ROBO1: variants seen among roughly 807,000 people sequenced by gnomAD.
ROBO1 encodes roundabout guidance receptor 1.
Under a neutral mutation model 195.9 loss-of-function variants are expected in ROBO1, and 149 were observed. That is an observed-to-expected ratio of 0.76 (90% CI 0.67 to 0.87). The LOEUF is 0.87. Among genes scored for constraint, ROBO1 ranks in the 40% least tolerant of loss-of-function variants. The pLI, the probability that ROBO1 is intolerant of heterozygous loss-of-function variation, is 0.00. For missense variants in ROBO1, 1,933 were observed against 2,068.3 expected, an observed-to-expected ratio of 0.93 and a Z score of 1.27; for synonymous variants, 816 against 733.2, an observed-to-expected ratio of 1.11 and a Z score of -1.82.
intron 5 of ROBO1, among the ~76,000 whole-genome samples, chr3:78,730,568 C>T (rs372799204): frequency 1.5e-5 from 1 of 64,564 alleles, no homozygotes; most frequent in African/African-American, 3.0e-5. Flanking sequence ...GTATTTTAAT[C>T]CCAAAGAGTC....
In ROBO1 at chr3:78,598,220, T is replaced by G. The variant is rs1702953359; in HGVS notation, c.*693A>C. 1 of 152,392 alleles carries G rather than the reference T, an allele frequency of 6.6e-6. No homozygotes were observed. Among genetic ancestry groups the G allele is most frequent in the African/African-American group, 2.4e-5 (1 of 41,464 alleles). The allele number at this position is 152,392 out of a possible 1,614,324, so 9.4% of individuals were successfully genotyped here. The stretch of plus-strand genomic sequence containing the variant: ...ATGACTAGACAACCAGAGATCCAAC[T>G]GGCTTAGCCCTACTTATCCAAAAGT... On this transcript the variant is annotated 3_prime_UTR_variant, in exon 31 of 31. Coordinates refer to ENST00000464233, the MANE Select transcript of ROBO1 (RefSeq NM_002941.4).
intron 2 of ROBO1, among the ~76,000 whole-genome samples, chr3:79,179,598 T>C (rs1328739259): frequency 2.0e-5 from 3 of 152,234 alleles, no homozygotes; most frequent in Non-Finnish European, 2.9e-5. Flanking sequence ...GGTATTTTCA[T>C]GTGTTGACTA....
intron 4 of ROBO1, among the ~76,000 whole-genome samples, chr3:78,887,261 T>C (rs2036622254): frequency 6.6e-6 from 1 of 152,008 alleles, no homozygotes; most frequent in African/African-American, 2.4e-5. Flanking sequence ...CATGAAAAAT[T>C]TGCACCATCA....
At chr3:78,903,550 T>TACACACACAC (rs146975185) in intron 4 of ROBO1, among the ~76,000 whole-genome samples, 3 of 143,438 alleles carry the variant, frequency 2.1e-5, no homozygotes, top group Middle Eastern at 3.6e-3. Flanking sequence ...ATAAAAGAAG[T>TACACACACAC]ACACACACAC....
At chr3:79,735,463 C>T (rs1051179203) in intron 1 of ROBO1, among the ~76,000 whole-genome samples, 11 of 152,134 alleles carry the variant, frequency 7.2e-5, no homozygotes, top group Admixed American at 7.2e-4. Flanking sequence ...TCTTACTCTT[C>T]TCTGTTATTT....
intron 2 of ROBO1, among the ~76,000 whole-genome samples, chr3:79,275,336 C>T (rs945824202): frequency 6.6e-6 from 1 of 151,874 alleles, no homozygotes; most frequent in African/African-American, 2.4e-5. Flanking sequence ...ATATACAATT[C>T]AATCAATGTG....
intron 3 of ROBO1, among the ~76,000 whole-genome samples, chr3:79,045,906 GAAACTCTAAAGTCATTATTTTCACT>G (rs1248748904): frequency 6.6e-6 from 1 of 151,998 alleles, no homozygotes; most frequent in Non-Finnish European, 1.5e-5. Flanking sequence ...ATTTTTTCAC[GAAACTCTAAAGTCATTATTTTCACT>G]AAACTCTAAC....
chr3:78,652,322 A>G lies in ROBO1; in HGVS notation c.2615-393T>C, dbSNP rs1389535086. Among the ~76,000 whole-genome samples, 3 of 152,184 alleles carry G rather than the reference A, an allele frequency of 2.0e-5. No individual in the cohort carries two copies. In the East Asian group the frequency reaches 5.8e-4, roughly 29 times the overall value. On this transcript the variant is annotated intron_variant, in intron 18 of 30. Coordinates refer to ENST00000464233, the MANE Select transcript of ROBO1 (RefSeq NM_002941.4). ...ATACACACACAAATAATACATGTACACATAAGGAATATTTAATAAGTATTC... is the reference window on the plus strand; with the variant it reads ...ATACACACACAAATAATACATGTACGCATAAGGAATATTTAATAAGTATTC...
At chr3:78,876,427 T>C (rs199592550) in intron 4 of ROBO1, among the ~76,000 whole-genome samples, 1 of 152,162 alleles carries the variant, frequency 6.6e-6, no homozygotes, top group Non-Finnish European at 1.5e-5. Context: ...TCGTATAGTC[T>C]ATTAATAAGT....
intron 4 of ROBO1, among the ~76,000 whole-genome samples, chr3:78,814,080 T>A (rs2084826141): frequency 6.6e-6 from 1 of 152,014 alleles, no homozygotes; most frequent in African/African-American, 2.4e-5. Context: ...TAAAATAGGG[T>A]CCAGGGTGTC....
At chr3:78,803,320 T>C (rs897819540) in intron 4 of ROBO1, among the ~76,000 whole-genome samples, 1 of 152,150 alleles carries the variant, frequency 6.6e-6, no homozygotes, top group Non-Finnish European at 1.5e-5. Context: ...ATTTTAAAAC[T>C]TTCTTCCTTT....
rs1703501078 is a variant in ROBO1 at position 78,607,000 on chromosome 3, G to A, written c.4477C>T (p.Pro1493Ser). Residue 1493 changes from proline to serine, a missense_variant, in exon 29 of 31, where the codon CCT becomes TCT. By Grantham distance (74) the Pro-to-Ser change is moderately conservative. This residue lies in a region of ROBO1 where 1,737 missense variants were observed against 1,882.5 expected (regional missense o/e 0.92). Coordinates refer to ENST00000464233, the MANE Select transcript of ROBO1 (RefSeq NM_002941.4). ...AGCTGTGTCTTGGATTGGGCAGTAG[G>A]TGACTTTATAGCAGGTGGCGGCACA... The part of the protein sequence containing the change: ...PPVPPPAIKS[P>S]TAQSKTQLEV... The A allele has an allele frequency of 2.5e-6, 4 of 1,613,724 alleles. No individual in the cohort carries two copies. The highest frequency in any genetic ancestry group is 2.2e-5 in the East Asian group (1 of 44,856).
At chr3:78,946,455 TAC>T (rs1473724884) in intron 3 of ROBO1, among the ~76,000 whole-genome samples, 3 of 152,270 alleles carry the variant, frequency 2.0e-5, no homozygotes, top group Admixed American at 6.5e-5. Context: ...TAAAATACTT[TAC>T]AGACAAGCAA....
rs1346888834 is a variant in ROBO1 at position 79,314,383 on chromosome 3, T to C, written c.89-188844A>G. ...CATGTGGGAGGTTACCCTCATGCTG[T>C]TCTCATGATAGTGAGAGAGTTCTCA... On this transcript the variant is annotated intron_variant, in intron 2 of 30. Transcript: ENST00000464233. Among the ~76,000 whole-genome samples, 5 of 152,292 alleles carry C rather than the reference T, an allele frequency of 3.3e-5. 1 individual carries two copies. The highest frequency in any genetic ancestry group is 4.1e-4 in the South Asian group (2 of 4,828).
At chr3:78,790,606 T>C (rs1427636042) in intron 4 of ROBO1, among the ~76,000 whole-genome samples, 1 of 152,136 alleles carries the variant, frequency 6.6e-6, no homozygotes, top group Non-Finnish European at 1.5e-5. Context: ...ATCTCCCTGG[T>C]TCATTGCTTT....
At chr3:78,650,214 T>A (rs1394006965) in intron 19 of ROBO1, among the ~76,000 whole-genome samples, 1 of 152,166 alleles carries the variant, frequency 6.6e-6, no homozygotes, top group African/African-American at 2.4e-5. Context: ...AGCATGTGCC[T>A]GACATTCTTC....
rs566003035 is a variant in ROBO1 at position 79,445,728 on chromosome 3, A to C, written c.88+144096T>G. Reference sequence around the variant, plus strand: ...CCAGGCTGGAGTGCAGTGGCGCGATATCGGCTCACTGCAAGCTCCGCCTCC... The same window carrying C: ...CCAGGCTGGAGTGCAGTGGCGCGATCTCGGCTCACTGCAAGCTCCGCCTCC... On this transcript the variant is annotated intron_variant, in intron 2 of 30. Coordinates refer to ENST00000464233, the MANE Select transcript of ROBO1 (RefSeq NM_002941.4). 1.8e-3 allele frequency among the ~76,000 whole-genome samples: 270 copies of C among 148,158 alleles called. 3 individuals carry two copies. The highest frequency in any genetic ancestry group is 0.018 in the Admixed American group (264 of 14,848).
Position 79,558,526 on chromosome 3 carries a change from C to T in ROBO1, c.88+31298G>A, listed in dbSNP as rs116863941. Reference sequence around the variant, plus strand: ...AATAATTAAGTCTTTGGGAAGTCAACAGTAATACACAGATTTTTTACTATG... The same window carrying T: ...AATAATTAAGTCTTTGGGAAGTCAATAGTAATACACAGATTTTTTACTATG... On this transcript the variant is annotated intron_variant, in intron 2 of 30. Transcript: ENST00000464233. Among the ~76,000 whole-genome samples, 363 of 152,264 alleles carry T rather than the reference C, an allele frequency of 2.4e-3. 16 individuals carry two copies. The East Asian group carries it at 0.065, about 27-fold the overall frequency.
chr3:79,059,798 C>T (rs1576626471), intron 3 of ROBO1, among the ~76,000 whole-genome samples: 1 of 151,886 alleles, frequency 6.6e-6, no homozygotes, highest in African/African-American at 2.4e-5. Flanking sequence ...GCCTCAGGAC[C>T]CTGTGATGAG....
Sources: allele counts gnomAD v4.1 joint callset (sites outside exome capture counted in the v4.1 genomes callset), GRCh38; gene constraint gnomAD v4.1.1; regional missense constraint gnomAD v4.1.1; transcripts MANE v1.5; gene names NCBI Gene and HGNC (gene_info 2026-07-23, HGNC 2026-07-21).